Variants in ILF2 observed in about 807,000 individuals in gnomAD.
ILF2 encodes interleukin enhancer binding factor 2.
A neutral mutation model predicts 55.3 loss-of-function variants in ILF2; 9 were observed. That is an observed-to-expected ratio of 0.16 (90% CI 0.10 to 0.28). The LOEUF (loss-of-function observed/expected upper bound fraction) is 0.28. Among genes scored for constraint, ILF2 ranks in the 10% least tolerant of loss-of-function variants. The probability of loss-of-function intolerance (pLI) is 1.00; values close to 1 mark genes in which losing one functional copy is unlikely to be tolerated. For missense variants in ILF2, 266 were observed against 474.9 expected, an observed-to-expected ratio of 0.56 and a Z score of 4.09; for synonymous variants, 151 against 161.8, an observed-to-expected ratio of 0.93 and a Z score of 0.50.
intron 10 of ILF2, 84 bp downstream of exon 10, chr1:153,663,958 AC>A: frequency 1.8e-5 from 2 of 113,274 alleles, no homozygotes; most frequent in East Asian, 3.1e-4. Flanking sequence ...TTTCAGAGTT[AC>A]TACTACTACT....
At position 153,664,239 on chromosome 1, in the gene ILF2, T is replaced by G. The variant is rs1049662273; in HGVS notation, c.657-109A>C. 5 of 974,638 alleles carry G rather than the reference T, an allele frequency of 5.1e-6. No individual in the cohort carries two copies. In the African/African-American group the frequency reaches 8.1e-5, roughly 16 times the overall value. The allele number at this position is 974,638 out of a possible 1,614,324, so 60.4% of individuals were successfully genotyped here. ...ATTTCCAGAACTATACATTCTCTGCTTTCTCTAAATCTTAATTTGCTTCCT... is the reference window on the plus strand; with the variant it reads ...ATTTCCAGAACTATACATTCTCTGCGTTCTCTAAATCTTAATTTGCTTCCT... On this transcript the variant is annotated intron_variant, in intron 9 of 13. Transcript: ENST00000361891.
At chr1:153,669,502 T>C (rs79997084) in intron 3 of ILF2, among the ~76,000 whole-genome samples, 1 of 152,116 alleles carries the variant, frequency 6.6e-6, no homozygotes, top group Non-Finnish European at 1.5e-5. Flanking sequence ...CTTTTTTTTT[T>C]TGTAGTGGTG....
chr1:153,664,579 G>A (rs961401232), intron 8 of ILF2, 105 bp from the exon 9 acceptor site: 31 of 884,480 alleles, frequency 3.5e-5, no homozygotes, highest in East Asian at 1.0e-4. Flanking sequence ...CAGGATAGAC[G>A]GAGTCTCGCT....
At chr1:153,670,307 T>C in intron 1 of ILF2, 77 bp from the exon 2 acceptor site, 1 of 1,461,576 alleles carries the variant, frequency 6.8e-7, no homozygotes, top group Admixed American at 1.7e-5. Flanking sequence ...GCTACTTTCA[T>C]CCCTCGGAAC....
chr1:153,669,863 T>C lies in ILF2; in HGVS notation c.81A>G (p.Val27=), dbSNP rs1403086149. The part of the protein sequence containing the change: ...GGPGGGFRPF[V]PHIPFDFYLC... ...AATAGAAGTCAAATGGGATATGTGG[T>C]ACAAAGGGCCTGAACCTAAAACATG... is the stretch of plus-strand genomic sequence containing the variant. The change falls in exon 3 of 14, where the codon GTA becomes GTG. Residue 27 remains valine (V), a synonymous_variant. Coordinates refer to ENST00000361891, the MANE Select transcript of ILF2 (RefSeq NM_004515.4). The C allele has an allele frequency of 6.2e-7, 1 of 1,613,056 alleles. No individual in the cohort carries two copies. The highest frequency in any genetic ancestry group is 1.7e-5 in the Admixed American group (1 of 60,012).
intron 6 of ILF2, among the ~76,000 whole-genome samples, chr1:153,666,041 C>T (rs1248737445): frequency 7.2e-5 from 11 of 152,084 alleles, no homozygotes; most frequent in Admixed American, 5.9e-4. Flanking sequence ...ACAGCATCCA[C>T]GGCCTCTATC....
chr1:153,668,272 G>A (rs1268864480), intron 4 of ILF2, among the ~76,000 whole-genome samples, 181 bp downstream of exon 4: 1 of 152,208 alleles, frequency 6.6e-6, no homozygotes, highest in African/African-American at 2.4e-5. Flanking sequence ...GAATGCATAT[G>A]TAATTTGTTT....
Position 153,668,477 on chromosome 1 carries a change from G to A in ILF2, c.189C>T (p.Asp63=). ...CCTGTTCAGCAGAATTGGGAGCCAG[G>A]TCCTGATTCCTCTTCAGCAAGGCCT... is the stretch of plus-strand genomic sequence containing the variant. ...FSEALLKRNQ[D]LAPNSAEQAS... is the part of the protein sequence containing the mutation. Residue 63 remains aspartate, a synonymous_variant, in exon 4 of 14, where the codon GAC becomes GAT. Transcript: ENST00000361891. The A allele has an allele frequency of 6.2e-7, 1 of 1,614,132 alleles. No individual in the cohort carries two copies. The highest frequency in any genetic ancestry group is 8.5e-7 in the Non-Finnish European group (1 of 1,180,028).
chr1:153,662,566 A>G lies in ILF2; in HGVS notation c.1013-10T>C. 2 of 1,612,896 alleles carry G rather than the reference A, an allele frequency of 1.2e-6. No individual in the cohort carries two copies. The highest frequency in any genetic ancestry group is 1.7e-6 in the Non-Finnish European group (2 of 1,178,992). On this transcript the variant is annotated splice_polypyrimidine_tract_variant and intron_variant, in intron 13 of 13. Coordinates refer to ENST00000361891, the MANE Select transcript of ILF2 (RefSeq NM_004515.4). ...ATTTCAGAAGCAAGATCTAGGAAAG[A>G]GAAAAAGGTGATTTAGACGAGTAGC...
At chr1:153,668,431 G>A (rs1557953554) in intron 4 of ILF2, 22 bp downstream of exon 4, 2 of 1,613,858 alleles carry the variant, frequency 1.2e-6, no homozygotes, top group South Asian at 2.2e-5. Flanking sequence ...GACATTTCTG[G>A]AAGACAGCCA....
intron 10 of ILF2, 138 bp from the exon 11 acceptor site, chr1:153,663,414 GAA>G (rs1343428228): frequency 2.1e-5 from 16 of 760,652 alleles, no homozygotes; most frequent in African/African-American, 5.2e-5. Flanking sequence ...CTGTAACCGC[GAA>G]CTCCTGGGCT....
chr1:153,670,949 G>A lies in ILF2; in HGVS notation c.-27C>T, dbSNP rs766495500. 9.9e-6 allele frequency: 16 copies of A among 1,614,116 alleles called. No homozygotes were observed. Among genetic ancestry groups the A allele is most frequent in the East Asian group, 8.9e-5 (4 of 44,880 alleles). On this transcript the variant is annotated 5_prime_UTR_variant, in exon 1 of 14. Transcript: ENST00000361891. ...GCGCCTTAAAACACGAACAATGGAG[G>A]CCGCACCAACCGCCCCTTCCTCTGA...
rs1669219617 is a variant in ILF2 at position 153,663,242 on chromosome 1, T to A, written c.779A>T (p.Gln260Leu). 1.9e-6 allele frequency: 3 copies of A among 1,614,104 alleles called. No individual in the cohort carries two copies. The highest frequency in any genetic ancestry group is 2.5e-6 in the Non-Finnish European group (3 of 1,180,048). ...GTATGCAACGTTTAGGGCCAAAGGC[T>A]GTCTGGTGGGGTTGTTCATCACAGC... The part of the protein sequence containing the change: ...HYAVMNNPTR[Q>L]PLALNVAYRR... The change falls in exon 11 of 14, where the codon CAG becomes CTG. Residue 260 changes from glutamine to leucine, a missense_variant. Coordinates refer to ENST00000361891, the MANE Select transcript of ILF2 (RefSeq NM_004515.4).
In ILF2 at chr1:153,664,407, A is replaced by G. The variant is rs1330915343; in HGVS notation, c.645T>C (p.Ala215=). ...AGAGAGGGACTCACGTGGACTGAGA[A>G]GCATTTTCCTCGAACCAGCGGGCAT... ...IRHARWFEEN[A]SQSTVKVLIR... Residue 215 remains alanine, a synonymous_variant, in exon 9 of 14, where the codon GCT becomes GCC. Transcript: ENST00000361891. 3 of 1,613,732 alleles carry G rather than the reference A, an allele frequency of 1.9e-6. No individual in the cohort carries two copies. Among genetic ancestry groups the G allele is most frequent in the East Asian group, 2.2e-5 (1 of 44,900 alleles).
chr1:153,666,314 G>A (rs1669304738), intron 6 of ILF2, among the ~76,000 whole-genome samples: 1 of 152,176 alleles, frequency 6.6e-6, no homozygotes, highest in African/African-American at 2.4e-5. Context: ...CTCCCAAGTA[G>A]TGGGGATTAC....
rs1357500473 is a variant in ILF2, at chr1:153,667,981, T to C, written c.291+19A>G. The C allele has an allele frequency of 1.3e-6, 2 of 1,579,570 alleles. No homozygotes were observed. The highest frequency in any genetic ancestry group is 1.4e-5 in the African/African-American group (1 of 73,636). ...TACCAAAGCTGCCCTTTCCTAAAAC[T>C]AAATCATCAAAAACTCACCACTTCA... is the stretch of plus-strand genomic sequence containing the variant. On this transcript the variant is annotated intron_variant, in intron 5 of 13. Transcript: ENST00000361891.
chr1:153,668,353 G>A, intron 4 of ILF2, 100 bp downstream of exon 4: 1 of 1,416,320 alleles, frequency 7.1e-7, no homozygotes, highest in Admixed American at 2.1e-5. Context: ...GTGGATTTCA[G>A]GCTCTGTTAA....
At chr1:153,667,900 C>G in intron 5 of ILF2, 100 bp downstream of exon 5, 1 of 869,966 alleles carries the variant, frequency 1.1e-6, no homozygotes, top group Non-Finnish European at 1.8e-6. Context: ...TTAGGCTTGG[C>G]TTTGGATAAT....
chr1:153,669,734 G>T, intron 3 of ILF2, 102 bp downstream of exon 3: 2 of 977,022 alleles, frequency 2.0e-6, no homozygotes, highest in Non-Finnish European at 3.3e-6. Flanking sequence ...GAGGCACTGT[G>T]TCTGCCCTCT....
Sources: allele counts gnomAD v4.1 joint callset (sites outside exome capture counted in the v4.1 genomes callset), GRCh38; gene constraint gnomAD v4.1.1; transcripts MANE v1.5; gene names NCBI Gene and HGNC (gene_info 2026-07-23, HGNC 2026-07-21).